Variants in PAEP observed in about 807,000 individuals in gnomAD.
PAEP encodes progestagen associated endometrial protein, also known as glycodelin.
A neutral mutation model predicts 23.0 loss-of-function variants in PAEP; 28 were observed. The observed-to-expected ratio is 1.22, with a 90% CI of 0.90 to 1.67. The LOEUF (loss-of-function observed/expected upper bound fraction) is 1.67, where lower values mean the gene tolerates loss of function less well. Among genes scored for constraint, PAEP ranks in the 40% most tolerant of loss-of-function variants. PAEP has a pLI of 0.00. For missense variants in PAEP, 209 were observed against 226.4 expected, an observed-to-expected ratio of 0.92 and a Z score of 0.49; for synonymous variants, 103 against 92.4, an observed-to-expected ratio of 1.12 and a Z score of -0.66.
chr9:135,562,483 C>CG, intron 2 of PAEP, 50 bp downstream of exon 2: 1 of 1,595,684 alleles, frequency 6.3e-7, no homozygotes. Flanking sequence ...AGTCTCCCCC[C>CG]TCAGGGGTCC....
At position 135,564,310 on chromosome 9, in the gene PAEP, A is replaced by G. The variant is rs952108252; in HGVS notation, c.377A>G (p.Gln126Arg). The change falls in exon 4 of 7, where the codon CAG becomes CGG. Residue 126 changes from glutamine (Q) to arginine (R), a missense_variant. Physicochemically the swap from Gln to Arg is conservative, Grantham distance 43. Coordinates refer to ENST00000479141, the MANE Select transcript of PAEP (RefSeq NM_002571.4). ...GACAATTTCCTGTTTCTCTGCCTAC[A>G]GGACACCACCACCCCCATCCAGAGC... ...DYDNFLFLCL[Q>R]DTTTPIQSMM... 39 of 1,552,338 alleles carry G rather than the reference A, an allele frequency of 2.5e-5. No homozygotes were observed. Among genetic ancestry groups the G allele is most frequent in the Non-Finnish European group, 3.1e-5 (36 of 1,147,764 alleles).
At chr9:135,564,812 T>A (rs1241855969) in intron 4 of PAEP, 38 of 985,108 alleles carry the variant, frequency 3.9e-5, no homozygotes, top group Non-Finnish European at 4.0e-5. Context: ...CCAGGCTGAG[T>A]TTTTCTCCAG....
intron 3 of PAEP, 146 bp downstream of exon 3, chr9:135,563,039 T>C (rs1226494677): frequency 4.5e-6 from 3 of 667,930 alleles, no homozygotes; most frequent in Non-Finnish European, 8.1e-6. Flanking sequence ...TTTACTCCGG[T>C]CAACCTGATG....
In PAEP at chr9:135,566,933, ACAAAAGGG is replaced by A. The variant is rs1162890852; in HGVS notation, c.*382_*389del. 10 of 152,284 alleles carry A rather than the reference ACAAAAGGG, an allele frequency of 6.6e-5. No individual in the cohort carries two copies. Among genetic ancestry groups the A allele is most frequent in the African/African-American group, 2.2e-4 (9 of 41,460 alleles). 9.4% of individuals were successfully genotyped at this position (152,284 alleles called of 1,614,324 possible). A position where few individuals can be genotyped will look rare whatever the true frequency, so the allele number is the denominator to read the frequency against. On this transcript the variant is annotated 3_prime_UTR_variant, in exon 7 of 7. Transcript: ENST00000479141. Reference sequence around the variant, plus strand: ...ATACCTCAAGTTTCTTATCTACAAAACAAAAGGGTCCACTTTCACAAACTTGTGAAATG... The same window carrying A: ...ATACCTCAAGTTTCTTATCTACAAAATCCACTTTCACAAACTTGTGAAATG...
intron 3 of PAEP, 89 bp from the exon 4 acceptor site, chr9:135,564,155 T>A: frequency 6.6e-7 from 1 of 1,514,900 alleles, no homozygotes. Flanking sequence ...AGGAAGCCAC[T>A]TAGTGTGGTG....
chr9:135,565,860 G>A (rs1454015239), intron 6 of PAEP, 59 bp downstream of exon 6: 33 of 1,596,852 alleles, frequency 2.1e-5, no homozygotes, highest in Middle Eastern at 3.3e-4. Flanking sequence ...CACTGTCTGC[G>A]GCTGCCTCTC....
chr9:135,564,078 C>T (rs1422366724), intron 3 of PAEP, among the ~76,000 whole-genome samples, 166 bp from the exon 4 acceptor site: 1 of 152,212 alleles, frequency 6.6e-6, no homozygotes, highest in Non-Finnish European at 1.5e-5. Context: ...CCTCTCCTCC[C>T]CTTTCCTCCC....
intron 4 of PAEP, chr9:135,564,653 G>A (rs528146594): frequency 1.0e-3 from 534 of 517,114 alleles, no homozygotes; most frequent in Non-Finnish European, 1.2e-3. Flanking sequence ...ACAGGCGCAC[G>A]CCACCATGCC....
chr9:135,562,197 C>T, intron 1 of PAEP, 97 bp from the exon 2 acceptor site: 2 of 1,386,948 alleles, frequency 1.4e-6, no homozygotes, highest in Non-Finnish European at 2.0e-6. Flanking sequence ...ATCCAATGCT[C>T]ACTGTACCCA....
At chr9:135,562,159 C>A (rs1832327448) in intron 1 of PAEP, 135 bp from the exon 2 acceptor site, 1 of 1,044,556 alleles carries the variant, frequency 9.6e-7, no homozygotes, top group Non-Finnish European at 1.4e-6. Flanking sequence ...AATTTCATAG[C>A]CCAGGATCTG....
intron 2 of PAEP, 65 bp downstream of exon 2, chr9:135,562,498 C>A: frequency 6.4e-7 from 1 of 1,568,762 alleles, no homozygotes; most frequent in Admixed American, 1.8e-5. Context: ...GGGTCCAGGA[C>A]TGGGTGGGTT....
intron 1 of PAEP, 131 bp downstream of exon 1, chr9:135,562,028 C>G: frequency 1.3e-6 from 1 of 796,198 alleles, no homozygotes; most frequent in Admixed American, 2.6e-5. Context: ...GTCAGGAAGC[C>G]CTCAGCCCTG....
chr9:135,564,574 G>A, intron 4 of PAEP: 1 of 800,230 alleles, frequency 1.2e-6, no homozygotes, highest in Non-Finnish European at 1.5e-6. Context: ...CGTGATCTCG[G>A]CTCACTGCAA....
chr9:135,563,505 A>G (rs115144922), intron 3 of PAEP, among the ~76,000 whole-genome samples: 196 of 26,896 alleles, frequency 7.3e-3, no homozygotes, highest in Middle Eastern at 0.036. Context: ...TGGGTAGGTG[A>G]ACAGGTGGGC....
chr9:135,562,522 C>A, intron 2 of PAEP, 89 bp downstream of exon 2: 1 of 1,489,592 alleles, frequency 6.7e-7, no homozygotes, highest in Non-Finnish European at 9.1e-7. Flanking sequence ...CGGAGCTGGA[C>A]TTAGCCCCAG....
At chr9:135,563,687 T>C (rs2119035296) in intron 3 of PAEP, among the ~76,000 whole-genome samples, 1 of 152,304 alleles carries the variant, frequency 6.6e-6, no homozygotes, top group South Asian at 2.1e-4. Context: ...GAATTCTTCC[T>C]AACAATTTGC....
chr9:135,565,282 C>A, intron 4 of PAEP, 128 bp from the exon 5 acceptor site: 4 of 777,804 alleles, frequency 5.1e-6, no homozygotes, highest in South Asian at 4.7e-5. Flanking sequence ...TACTCCAGAC[C>A]AAACTCTGCC....
Position 135,562,814 on chromosome 9 carries a change from T to G in PAEP, c.237-6T>G. On this transcript the variant is annotated splice_polypyrimidine_tract_variant and splice_region_variant and intron_variant, in intron 2 of 6. Transcript: ENST00000479141. ...GGCCACTCATCCTATTGTCACCACC[T>G]TTCAGGGAGAACAACAGCTGTGTTG... 1 of 1,612,602 alleles carries G rather than the reference T, an allele frequency of 6.2e-7. No individual in the cohort carries two copies. Among genetic ancestry groups the G allele is most frequent in the Non-Finnish European group, 8.5e-7 (1 of 1,178,762 alleles).
rs754029185 is a variant in PAEP, at chr9:135,562,442, C to G, written c.236+9C>G. On this transcript the variant is annotated intron_variant, in intron 2 of 6. Transcript: ENST00000479141. ...ATCGTTCTGCACAGATGGTGGGTTT[C>G]TCATCATTGAGACGGGCTGGGCGGG... 3 of 1,612,990 alleles carry G rather than the reference C, an allele frequency of 1.9e-6. No individual in the cohort carries two copies. The South Asian group carries it at 3.3e-5, about 18-fold the overall frequency.
Sources: allele counts gnomAD v4.1 joint callset (sites outside exome capture counted in the v4.1 genomes callset), GRCh38; gene constraint gnomAD v4.1.1; transcripts MANE v1.5; gene names NCBI Gene and HGNC (gene_info 2026-07-23, HGNC 2026-07-21).